The following RERE variants were observed in gnomAD, a reference collection of about 807,000 sequenced individuals.
The protein encoded by RERE is arginine-glutamic acid dipeptide repeats.
In RERE, 40 loss-of-function variants were observed where a neutral mutation model predicts 146.1. That is an observed-to-expected ratio of 0.27 (90% CI 0.21 to 0.36). The LOEUF is 0.36. RERE is among the 10% of genes least tolerant of loss of function. The pLI, the probability that RERE is intolerant of heterozygous loss-of-function variation, is 1.00. For synonymous variants in RERE, 1,003 were observed against 866.0 expected, an observed-to-expected ratio of 1.16 and a Z score of -2.78; for missense variants, 1,933 against 2,138.7, an observed-to-expected ratio of 0.90 and a Z score of 1.90.
intron 2 of RERE, among the ~76,000 whole-genome samples, chr1:8,647,210 A>C (rs1374527955): frequency 6.6e-6 from 1 of 152,218 alleles, no homozygotes. Flanking sequence ...CATCCCTAAC[A>C]TACTAACACA....
intron 7 of RERE, among the ~76,000 whole-genome samples, chr1:8,524,767 G>A (rs1253418547): frequency 6.6e-6 from 1 of 152,146 alleles, no homozygotes; most frequent in Non-Finnish European, 1.5e-5. Context: ...CACAGTGAAA[G>A]CCATCTGTCT....
At chr1:8,800,258 C>CAAA (rs34669744) in intron 1 of RERE, among the ~76,000 whole-genome samples, 429 of 143,880 alleles carry the variant, frequency 3.0e-3, no homozygotes, top group East Asian at 0.011. Context: ...GACTCTACGT[C>CAAA]AAAAAAAAAA....
intron 6 of RERE, among the ~76,000 whole-genome samples, chr1:8,552,800 T>C (rs909454277): frequency 6.6e-6 from 1 of 152,236 alleles, no homozygotes; most frequent in African/African-American, 2.4e-5. Context: ...GCCGGATCAC[T>C]AAGTGACAGC....
Position 8,755,091 on chromosome 1 carries a change from G to C in RERE, c.-145+62069C>G, listed in dbSNP as rs573168661. Among the ~76,000 whole-genome samples, 6 of 152,334 alleles carry C rather than the reference G, an allele frequency of 3.9e-5. No individual in the cohort carries two copies. The South Asian group carries it at 1.2e-3, about 32-fold the overall frequency. ...CAATTCAATACAAAGGCTCACCTTT[G>C]CATGAGCAATTCCAAAGCTTAAATA... is the stretch of plus-strand genomic sequence containing the variant. On this transcript the variant is annotated intron_variant, in intron 1 of 22. Transcript: ENST00000400908.
intron 4 of RERE, among the ~76,000 whole-genome samples, chr1:8,605,745 C>CAAAAAAAAAAAAAAA (rs564574812): frequency 5.0e-4 from 32 of 64,532 alleles, no homozygotes; most frequent in African/African-American, 1.7e-3. Context: ...ACCCCATCTC[C>CAAAAAAAAAAAAAAA]AAAAAAAAAA....
chr1:8,670,351 C>T (rs1360308979), intron 1 of RERE, among the ~76,000 whole-genome samples: 1 of 152,120 alleles, frequency 6.6e-6, no homozygotes, highest in Non-Finnish European at 1.5e-5. Context: ...TCTGTCAGTT[C>T]CCCCATTATT....
chr1:8,666,947 A>G (rs1638589132), intron 1 of RERE, among the ~76,000 whole-genome samples: 1 of 152,232 alleles, frequency 6.6e-6, no homozygotes, highest in Admixed American at 6.5e-5. Flanking sequence ...CTCAGAATAT[A>G]CGGCTTATTT....
At chr1:8,758,835 G>T (rs1332558554) in intron 1 of RERE, among the ~76,000 whole-genome samples, 1 of 149,990 alleles carries the variant, frequency 6.7e-6, no homozygotes, top group African/African-American at 2.5e-5. Context: ...TTGCAAAGAA[G>T]AATTTAAGTG....
intron 1 of RERE, among the ~76,000 whole-genome samples, chr1:8,669,668 T>C (rs1163200937): frequency 6.6e-6 from 1 of 152,206 alleles, no homozygotes; most frequent in Non-Finnish European, 1.5e-5. Flanking sequence ...ATGCTGAGAA[T>C]GAAAGAGAGC....
Position 8,398,503 on chromosome 1 carries a change from C to T in RERE, c.1284+24224G>A, listed in dbSNP as rs147157087. Among the ~76,000 whole-genome samples, 34 of 152,366 alleles carry T rather than the reference C, an allele frequency of 2.2e-4. No individual in the cohort carries two copies. In the East Asian group the frequency reaches 5.8e-3, roughly 26 times the overall value. ...AAATAAGATCCTCTTCTATTAACAA[C>T]GACCATCTCTACAATTTATTTGGCA... On this transcript the variant is annotated intron_variant, in intron 12 of 22. Coordinates refer to ENST00000400908, the MANE Select transcript of RERE (RefSeq NM_001042681.2).
At chr1:8,581,267 C>G (rs576785481) in intron 4 of RERE, among the ~76,000 whole-genome samples, 10 of 152,288 alleles carry the variant, frequency 6.6e-5, no homozygotes, top group African/African-American at 2.4e-4. Context: ...ATGGGCTTAT[C>G]TGCCATTAAT....
intron 11 of RERE, among the ~76,000 whole-genome samples, chr1:8,463,790 G>T (rs1644558647): frequency 1.3e-5 from 2 of 152,112 alleles, no homozygotes; most frequent in Non-Finnish European, 2.9e-5. Context: ...AGAGGAGATG[G>T]CCAGGAACTG....
intron 4 of RERE, among the ~76,000 whole-genome samples, chr1:8,598,424 G>A (rs1646581565): frequency 6.6e-6 from 1 of 152,198 alleles, no homozygotes; most frequent in African/African-American, 2.4e-5. Context: ...GCAACGTCAC[G>A]GAGCTGGGTG....
intron 1 of RERE, among the ~76,000 whole-genome samples, chr1:8,813,222 G>A (rs1024655225): frequency 6.6e-6 from 1 of 152,210 alleles, no homozygotes; most frequent in Non-Finnish European, 1.5e-5. Flanking sequence ...CAGGATGTGT[G>A]TATGTGTGTG....
Position 8,423,734 on chromosome 1 carries a change from G to C in RERE, c.1204-927C>G. 5.1e-6 allele frequency: 5 copies of C among 973,424 alleles called. No individual in the cohort carries two copies. The highest frequency in any genetic ancestry group is 6.1e-6 in the Non-Finnish European group (5 of 822,060). The allele number at this position is 973,424 out of a possible 1,614,324, so 60.3% of individuals were successfully genotyped here. A position where few individuals can be genotyped will look rare whatever the true frequency, so the allele number is the denominator to read the frequency against. ...TGACCGCGGCGGGGCCGCGCGGCGC[G>C]GGGCCCGGGGGGCGCGGGGCTGGGG... On this transcript the variant is annotated intron_variant, in intron 11 of 22. Transcript: ENST00000400908. The surrounding 1 kb of genome is among the most constrained non-coding windows in gnomAD (Gnocchi z 5.4).
chr1:8,677,815 C>T (rs927347644), intron 1 of RERE, among the ~76,000 whole-genome samples: 18 of 152,198 alleles, frequency 1.2e-4, no homozygotes, highest in African/African-American at 3.6e-4. Context: ...CCACACAATG[C>T]TAGCAGATAC....
chr1:8,363,715 G>C (rs1451124397), intron 15 of RERE: 3 of 305,176 alleles, frequency 9.8e-6, no homozygotes, highest in African/African-American at 6.5e-5. Context: ...ACACAAAAGA[G>C]CCTGCAAGTT....
At chr1:8,506,242 G>A (rs908016589) in intron 8 of RERE, among the ~76,000 whole-genome samples, 3 of 152,242 alleles carry the variant, frequency 2.0e-5, no homozygotes, top group East Asian at 1.9e-4. Context: ...GCCCCGAGGT[G>A]GCAGTCAGGC....
At chr1:8,487,537 CA>C (rs1644918250) in intron 10 of RERE, among the ~76,000 whole-genome samples, 1 of 152,200 alleles carries the variant, frequency 6.6e-6, no homozygotes. Flanking sequence ...AAGATTGCTA[CA>C]CTGCACTCCA....
Sources: allele counts gnomAD v4.1 joint callset (sites outside exome capture counted in the v4.1 genomes callset), GRCh38; gene constraint gnomAD v4.1.1; non-coding constraint Gnocchi (gnomAD v3.1); transcripts MANE v1.5; gene names NCBI Gene and HGNC (gene_info 2026-07-23, HGNC 2026-07-21).